The following UHRF2 variants were observed in gnomAD, a reference collection of about 807,000 sequenced individuals.
UHRF2 encodes the protein E3 ubiquitin-protein ligase UHRF2.
Under a neutral mutation model 96.8 loss-of-function variants are expected in UHRF2, and 23 were observed. The ratio of observed to expected loss-of-function variants is 0.24; its 90% CI spans 0.17 to 0.34. The LOEUF (loss-of-function observed/expected upper bound fraction) is 0.34. Ranked by LOEUF, UHRF2 falls within the 10% of genes least tolerant of loss-of-function variation. The pLI, the probability that UHRF2 is intolerant of heterozygous loss-of-function variation, is 1.00. For missense variants in UHRF2, 685 were observed against 981.5 expected, an observed-to-expected ratio of 0.70 and a Z score of 4.04; for synonymous variants, 385 against 332.6, an observed-to-expected ratio of 1.16 and a Z score of -1.72.
At chr9:6,424,537 T>G (rs1194202222) in intron 2 of UHRF2, among the ~76,000 whole-genome samples, 2 of 152,206 alleles carry the variant, frequency 1.3e-5, no homozygotes, top group Non-Finnish European at 2.9e-5. Flanking sequence ...ATAAACTTAT[T>G]TTAGAACAGT....
rs73639306 is a variant in UHRF2, at chr9:6,486,061, A to C, written c.1393-760A>C. On this transcript the variant is annotated intron_variant, in intron 8 of 15. Coordinates refer to ENST00000276893, the MANE Select transcript of UHRF2 (RefSeq NM_152896.3). Reference sequence around the variant, plus strand: ...GAAGCTGCACATAAGGCTAGGAAAAATAGATAGGAGCCATATTTAGAGAGG... The same window carrying C: ...GAAGCTGCACATAAGGCTAGGAAAACTAGATAGGAGCCATATTTAGAGAGG... Among the ~76,000 whole-genome samples the C allele has an allele frequency of 2.6e-5, 4 of 152,144 alleles. No individual in the cohort carries two copies. In the South Asian group the frequency reaches 8.3e-4, roughly 31 times the overall value.
chr9:6,451,540 G>T (rs1220171429), intron 3 of UHRF2, among the ~76,000 whole-genome samples: 1 of 151,022 alleles, frequency 6.6e-6, no homozygotes, highest in East Asian at 2.0e-4. Flanking sequence ...GCAGTGGCGC[G>T]ATCTCGGCTC....
At chr9:6,487,808 G>T (rs773422800) in intron 9 of UHRF2, among the ~76,000 whole-genome samples, 15 of 152,178 alleles carry the variant, frequency 9.9e-5, no homozygotes, top group Non-Finnish European at 1.8e-4. Flanking sequence ...ATCCTCTATA[G>T]AGCTTTTTTT....
Position 6,475,371 on chromosome 9 carries a change from T to C in UHRF2, c.864-20T>C. 1 of 1,468,798 alleles carries C rather than the reference T, an allele frequency of 6.8e-7. No individual in the cohort carries two copies. 91.0% of individuals were successfully genotyped at this position (1,468,798 alleles called of 1,614,324 possible). ...TAGATTTTGCTGGCAGAAGTTAACC[T>C]TTCTTCCTTTTTTAAACAGGGGTTC... is the stretch of plus-strand genomic sequence containing the variant. On this transcript the variant is annotated intron_variant, in intron 4 of 15. Coordinates refer to ENST00000276893, the MANE Select transcript of UHRF2 (RefSeq NM_152896.3).
intron 3 of UHRF2, among the ~76,000 whole-genome samples, chr9:6,444,783 A>G (rs767202356): frequency 1.3e-5 from 2 of 152,110 alleles, no homozygotes; most frequent in East Asian, 3.9e-4. Flanking sequence ...TTGTATTTTT[A>G]GTAGAGACAG....
intron 3 of UHRF2, among the ~76,000 whole-genome samples, chr9:6,450,208 T>C (rs1821768929): frequency 6.6e-6 from 1 of 152,066 alleles, no homozygotes; most frequent in African/African-American, 2.4e-5. Context: ...TAATTATCTA[T>C]TTAAAAATGT....
At chr9:6,455,027 G>C (rs1822094075) in intron 3 of UHRF2, among the ~76,000 whole-genome samples, 1 of 152,212 alleles carries the variant, frequency 6.6e-6, no homozygotes, top group Non-Finnish European at 1.5e-5. Flanking sequence ...TGCTGTAGTA[G>C]CCTGGCCTAC....
intron 6 of UHRF2, among the ~76,000 whole-genome samples, chr9:6,480,881 A>C (rs1350542594): frequency 6.6e-6 from 1 of 152,212 alleles, no homozygotes; most frequent in Non-Finnish European, 1.5e-5. Context: ...TTGTGGGCAT[A>C]GTCTTCTTTG....
At chr9:6,445,698 C>T (rs1363954438) in intron 3 of UHRF2, among the ~76,000 whole-genome samples, 1 of 152,136 alleles carries the variant, frequency 6.6e-6, no homozygotes, top group Non-Finnish European at 1.5e-5. Flanking sequence ...GCTGGGATCA[C>T]AGGTGCATGC....
At chr9:6,470,240 G>C (rs1823163045) in intron 4 of UHRF2, among the ~76,000 whole-genome samples, 1 of 151,968 alleles carries the variant, frequency 6.6e-6, no homozygotes, top group South Asian at 2.1e-4. Flanking sequence ...ATACGTGGTA[G>C]TGCACACCTG....
At chr9:6,462,372 G>A (rs995719478) in intron 4 of UHRF2, among the ~76,000 whole-genome samples, 1 of 151,448 alleles carries the variant, frequency 6.6e-6, no homozygotes. Context: ...TAACATTTTA[G>A]AGAACAGATT....
intron 3 of UHRF2, among the ~76,000 whole-genome samples, chr9:6,444,419 T>C (rs1007135678): frequency 1.3e-5 from 2 of 152,356 alleles, no homozygotes; most frequent in East Asian, 1.9e-4. Context: ...AAAAGAACTT[T>C]ACAGATACCA....
At chr9:6,492,250 C>T in intron 9 of UHRF2, 1 of 823,622 alleles carries the variant, frequency 1.2e-6, no homozygotes, top group Non-Finnish European at 1.7e-6. Flanking sequence ...TTATTATGCT[C>T]TCTTACTTTC....
intron 2 of UHRF2, among the ~76,000 whole-genome samples, chr9:6,425,896 T>A (rs531729048): frequency 1.5e-3 from 232 of 152,362 alleles, no homozygotes; most frequent in Non-Finnish European, 2.4e-3. Flanking sequence ...TGTGTATATA[T>A]ACATCTATGA....
intron 9 of UHRF2, among the ~76,000 whole-genome samples, chr9:6,491,154 A>G (rs891461761): frequency 6.6e-6 from 1 of 152,230 alleles, no homozygotes; most frequent in Non-Finnish European, 1.5e-5. Flanking sequence ...GTGAGGACCC[A>G]CAAAGATGAC....
chr9:6,499,934 A>G lies in UHRF2; in HGVS notation c.2005+3A>G. On this transcript the variant is annotated splice_donor_region_variant and intron_variant, in intron 13 of 15. Transcript: ENST00000276893. ...CACAAAAAGGCCAATTTCAGATGGT[A>G]GGTAATGATTGCAAAATATAAATAA... 6.2e-7 allele frequency: 1 copy of G among 1,602,400 alleles called. No individual in the cohort carries two copies. The highest frequency in any genetic ancestry group is 8.5e-7 in the Non-Finnish European group (1 of 1,171,048).
chr9:6,428,226 T>C (rs1283510799), intron 2 of UHRF2, among the ~76,000 whole-genome samples: 1 of 152,198 alleles, frequency 6.6e-6, no homozygotes, highest in Non-Finnish European at 1.5e-5. Flanking sequence ...TTTAACCTTT[T>C]TGATTATGAA....
intron 1 of UHRF2, 53 bp downstream of exon 1, chr9:6,413,696 C>A: frequency 6.9e-7 from 1 of 1,453,196 alleles, no homozygotes; most frequent in South Asian, 1.4e-5. Context: ...AACAGCTGGG[C>A]TCCTCTGGAC....
intron 8 of UHRF2, among the ~76,000 whole-genome samples, chr9:6,486,230 G>A (rs1824282043): frequency 6.6e-6 from 1 of 152,148 alleles, no homozygotes; most frequent in Non-Finnish European, 1.5e-5. Context: ...AAAACTAGAG[G>A]CAGTAAAAAA....
Sources: gnomAD v4.1 joint callset for allele counts (sites outside exome capture counted in the v4.1 genomes callset) on GRCh38, gnomAD v4.1.1 for gene constraint, MANE v1.5 for transcripts, NCBI Gene and HGNC (gene_info 2026-07-23, HGNC 2026-07-21) for gene names.